The following NSD2 variants were observed in gnomAD, a reference collection of about 807,000 sequenced individuals.
NSD2 encodes nuclear receptor binding SET domain protein 2, also known as histone-lysine N-methyltransferase NSD2.
NSD2 carries 12 observed loss-of-function variants against 139.0 expected under a neutral mutation model. That is an observed-to-expected ratio of 0.09 (90% CI 0.06 to 0.14). NSD2 has a LOEUF of 0.14. Ranked by LOEUF, NSD2 falls within the 10% of genes least tolerant of loss-of-function variation. The pLI, the probability that NSD2 is intolerant of heterozygous loss-of-function variation, is 1.00. For synonymous variants in NSD2, 669 were observed against 648.7 expected (o/e 1.03, Z -0.48); for missense variants, 1,155 against 1,745.0 (o/e 0.66, Z 6.02).
chr4:1,940,182 C>T (rs146357695), intron 9 of NSD2: 8 of 1,089,032 alleles, frequency 7.3e-6, no homozygotes, highest in Admixed American at 9.1e-5. Context: ...GGGTGGAAGG[C>T]GACTCACACA....
At chr4:1,876,876 C>G (rs1359627086) in intron 1 of NSD2, among the ~76,000 whole-genome samples, 1 of 152,062 alleles carries the variant, frequency 6.6e-6, no homozygotes, top group East Asian at 1.9e-4. Flanking sequence ...TGGCTCACGC[C>G]TGTAATCCCA....
intron 1 of NSD2, among the ~76,000 whole-genome samples, chr4:1,875,244 C>CCA (rs1159136544): frequency 2.0e-5 from 3 of 151,658 alleles, no homozygotes; most frequent in Non-Finnish European, 4.4e-5. Flanking sequence ...CAAGTGTGAA[C>CCA]CACTGTGCCC....
chr4:1,955,455 G>A lies in NSD2; in HGVS notation c.2518+115G>A. ...TTCATTGATGTTGACAGTGTTCTGT[G>A]CGTCTTCACGTTAATAGTATATCAC... On this transcript the variant is annotated intron_variant, in intron 13 of 21. Coordinates refer to ENST00000508803, the MANE Select transcript of NSD2 (RefSeq NM_001042424.3). This position sits in a 1 kb window ranked among gnomAD's most constrained non-coding sequence, Gnocchi z 4.7. The A allele has an allele frequency of 1.5e-6, 2 of 1,355,082 alleles. No homozygotes were observed. The highest frequency in any genetic ancestry group is 2.0e-6 in the Non-Finnish European group (2 of 1,018,316). The allele number at this position is 1,355,082 out of a possible 1,614,324, so 83.9% of individuals were successfully genotyped here.
chr4:1,933,534 C>T (rs911181240), intron 6 of NSD2, among the ~76,000 whole-genome samples: 5 of 152,042 alleles, frequency 3.3e-5, no homozygotes, highest in Admixed American at 6.6e-5. Flanking sequence ...GGACTACAGG[C>T]GCCCGCCACC....
At chr4:1,885,639 G>T (rs1715028976) in intron 1 of NSD2, among the ~76,000 whole-genome samples, 1 of 151,836 alleles carries the variant, frequency 6.6e-6, no homozygotes, top group South Asian at 2.1e-4. Flanking sequence ...CATGCTCTGG[G>T]TCCTTGAGCC....
intron 3 of NSD2, among the ~76,000 whole-genome samples, chr4:1,913,501 CT>C (rs1454376253): frequency 6.6e-6 from 1 of 152,272 alleles, no homozygotes; most frequent in Non-Finnish European, 1.5e-5. Context: ...CCCTGTACAT[CT>C]GGCTCCGCCT....
At chr4:1,940,546 G>A (rs77258201) in intron 9 of NSD2, 1 of 1,064,598 alleles carries the variant, frequency 9.4e-7, no homozygotes, top group Non-Finnish European at 1.1e-6. Flanking sequence ...CTGATTTTTA[G>A]GGATTACCTT....
At chr4:1,935,643 T>A (rs1437787714) in intron 7 of NSD2, among the ~76,000 whole-genome samples, 1 of 152,118 alleles carries the variant, frequency 6.6e-6, no homozygotes, top group Non-Finnish European at 1.5e-5. Flanking sequence ...GTGGATTGCT[T>A]GAGGTCAGGA....
At chr4:1,907,882 A>G (rs953250525) in intron 3 of NSD2, among the ~76,000 whole-genome samples, 39 of 152,318 alleles carry the variant, frequency 2.6e-4, no homozygotes, top group Admixed American at 2.5e-3. Context: ...ATGGGATTAC[A>G]GGCATGAGTC....
intron 5 of NSD2, among the ~76,000 whole-genome samples, chr4:1,923,827 T>G (rs1577451587): frequency 6.6e-6 from 1 of 152,332 alleles, no homozygotes; most frequent in African/African-American, 2.4e-5. Flanking sequence ...TACACATCAA[T>G]TAAAGTGAAC....
rs992452874 is a variant in NSD2, at chr4:1,906,271, C to G, written c.760+1893C>G. 2.6e-5 allele frequency among the ~76,000 whole-genome samples: 4 copies of G among 152,140 alleles called. 1 individual carries two copies. The highest frequency in any genetic ancestry group is 2.6e-4 in the Admixed American group (4 of 15,264). Reference sequence around the variant, plus strand: ...TTCTTTTTTTGGGGATGGAGGCTCGCTCCATCACCCAAACTGGAGTGCAGT... The same window carrying G: ...TTCTTTTTTTGGGGATGGAGGCTCGGTCCATCACCCAAACTGGAGTGCAGT... On this transcript the variant is annotated intron_variant, in intron 3 of 21. Transcript: ENST00000508803.
Position 1,974,384 on chromosome 4 carries a change from T to C in NSD2, c.3373-479T>C, listed in dbSNP as rs1377832569. The stretch of plus-strand genomic sequence containing the variant: ...CACCACCACGCCCAGCTAATTTTTT[T>C]TGTATTTTTAGTAGAGATGGGGGTT... On this transcript the variant is annotated intron_variant, in intron 18 of 21. Transcript: ENST00000508803. This position sits in a 1 kb window ranked among gnomAD's most constrained non-coding sequence, Gnocchi z 4.0. 3.9e-5 allele frequency among the ~76,000 whole-genome samples: 6 copies of C among 152,148 alleles called. No homozygotes were observed. Among genetic ancestry groups the C allele is most frequent in the Non-Finnish European group, 7.4e-5 (5 of 68,018 alleles).
intron 3 of NSD2, among the ~76,000 whole-genome samples, chr4:1,908,794 G>C (rs1718278482): frequency 6.6e-6 from 1 of 152,062 alleles, no homozygotes; most frequent in Non-Finnish European, 1.5e-5. Flanking sequence ...GTTGTTTTGA[G>C]ATAGGGTCTT....
Position 1,938,439 on chromosome 4 carries a change from T to TTTTTTTTTTTTTTTTTTTTTTTTC in NSD2, c.1675-10_1675-9insTTTTTTTTTTTTTTTTTTTTTCTT. The TTTTTTTTTTTTTTTTTTTTTTTTC allele has an allele frequency of 7.7e-7, 1 of 1,305,258 alleles. No homozygotes were observed. The highest frequency in any genetic ancestry group is 1.0e-6 in the Non-Finnish European group (1 of 974,286). 80.9% of individuals were successfully genotyped at this position (1,305,258 alleles called of 1,614,324 possible). A position where few individuals can be genotyped will look rare whatever the true frequency, so the allele number is the denominator to read the frequency against. The stretch of plus-strand genomic sequence containing the variant: ...TTCTTTTTTTTTTTTTTTTTTTTTT[T>TTTTTTTTTTTTTTTTTTTTTTTTC]TTAAATAATAGAGAGACACAATCAC... On this transcript the variant is annotated splice_polypyrimidine_tract_variant and intron_variant, in intron 7 of 21. Transcript: ENST00000508803.
chr4:1,943,651 A>T lies in NSD2; in HGVS notation c.1881+3873A>T. On this transcript the variant is annotated intron_variant, in intron 9 of 21. Transcript: ENST00000508803. ...AAATGTTGCAGGATACATAGCCCCA[A>T]AGATGGTCTAGGAGCAATCTAAGCT... The T allele has an allele frequency of 2.9e-6, 3 of 1,048,488 alleles. No homozygotes were observed. The South Asian group carries it at 1.4e-4, about 48-fold the overall frequency. The allele number at this position is 1,048,488 out of a possible 1,614,324, so 64.9% of individuals were successfully genotyped here.
rs374502404 is a variant in NSD2 at position 1,975,008 on chromosome 4, C to T, written c.3514+4C>T. Reference sequence around the variant, plus strand: ...GCCGTCTGTGACATTCCTGCAGGTACAAGCTCTGGGGACCCTGCATGGGGC... The same window carrying T: ...GCCGTCTGTGACATTCCTGCAGGTATAAGCTCTGGGGACCCTGCATGGGGC... On this transcript the variant is annotated splice_donor_region_variant and intron_variant, in intron 19 of 21. Transcript: ENST00000508803. 1.9e-6 allele frequency: 3 copies of T among 1,614,112 alleles called. No individual in the cohort carries two copies. Among genetic ancestry groups the T allele is most frequent in the East Asian group, 2.2e-5 (1 of 44,876 alleles).
rs549620527 is a variant in NSD2 at position 1,941,119 on chromosome 4, A to T, written c.1881+1341A>T. 1.8e-5 allele frequency: 19 copies of T among 1,054,890 alleles called. No individual in the cohort carries two copies. In the African/African-American group the frequency reaches 2.5e-4, roughly 14 times the overall value. 65.3% of individuals were successfully genotyped at this position (1,054,890 alleles called of 1,614,324 possible). The stretch of plus-strand genomic sequence containing the variant: ...ACTGAAATATGAAAAGGCAAATTTT[A>T]TACAAATTATTTTTCCTTTTTCCTT... On this transcript the variant is annotated intron_variant, in intron 9 of 21. Transcript: ENST00000508803.
chr4:1,981,221 T>C lies in NSD2; in HGVS notation c.*2312T>C. The C allele has an allele frequency of 4.3e-6, 1 of 233,328 alleles. No homozygotes were observed. The allele number at this position is 233,328 out of a possible 1,614,324, so 14.5% of individuals were successfully genotyped here. On this transcript the variant is annotated 3_prime_UTR_variant, in exon 22 of 22. Coordinates refer to ENST00000508803, the MANE Select transcript of NSD2 (RefSeq NM_001042424.3). Reference sequence around the variant, plus strand: ...TCCCCCTTTCCAAAAACTGTTAAACTAATGAGCAAGTAACACTAACTTTGA... The same window carrying C: ...TCCCCCTTTCCAAAAACTGTTAAACCAATGAGCAAGTAACACTAACTTTGA...
chr4:1,878,331 C>G (rs1237300468), intron 1 of NSD2, among the ~76,000 whole-genome samples: 1 of 136,450 alleles, frequency 7.3e-6, no homozygotes, highest in Non-Finnish European at 1.5e-5. Context: ...TGGTCTCGAA[C>G]TCCTGACCTC....
Sources: allele counts gnomAD v4.1 joint callset (sites outside exome capture counted in the v4.1 genomes callset), GRCh38; gene constraint gnomAD v4.1.1; non-coding constraint Gnocchi (gnomAD v3.1); transcripts MANE v1.5; gene names NCBI Gene and HGNC (gene_info 2026-07-23, HGNC 2026-07-21).